Variants in FOCAD observed in about 807,000 individuals in gnomAD.
FOCAD encodes the protein focadhesin.
A neutral mutation model predicts 225.6 loss-of-function variants in FOCAD; 198 were observed. The ratio of observed to expected loss-of-function variants is 0.88; its 90% CI spans 0.78 to 0.99. The LOEUF is 0.99. Among genes scored for constraint, FOCAD ranks in the 50% least tolerant of loss-of-function variants. FOCAD has a pLI of 0.00. For synonymous variants in FOCAD, 897 were observed against 755.0 expected, an observed-to-expected ratio of 1.19 and a Z score of -3.08; for missense variants, 2,713 against 2,123.6, an observed-to-expected ratio of 1.28 and a Z score of -5.46.
At chr9:20,839,966 C>G (rs1030195095) in intron 15 of FOCAD, among the ~76,000 whole-genome samples, 1 of 152,070 alleles carries the variant, frequency 6.6e-6, no homozygotes, top group Non-Finnish European at 1.5e-5. Flanking sequence ...AATTAGTTCA[C>G]TCTAGATGTA....
chr9:20,703,132 G>A lies in FOCAD; in HGVS notation c.-32-12190G>A, dbSNP rs1824100904. On this transcript the variant is annotated intron_variant, in intron 1 of 43. Coordinates refer to ENST00000338382, the MANE Select transcript of FOCAD (RefSeq NM_001375567.1). ...GAGATTGTGATAAAAGCTATGAATGGTACAATAGTGGGTCACTGCAGTGGC... is the reference window on the plus strand; with the variant it reads ...GAGATTGTGATAAAAGCTATGAATGATACAATAGTGGGTCACTGCAGTGGC... Among the ~76,000 whole-genome samples the A allele has an allele frequency of 2.0e-5, 3 of 147,448 alleles. No individual in the cohort carries two copies. In the South Asian group the frequency reaches 6.8e-4, roughly 33 times the overall value.
chr9:20,874,766 A>G lies in FOCAD; in HGVS notation c.2276A>G (p.Tyr759Cys), dbSNP rs200978429. 164 of 1,613,612 alleles carry G rather than the reference A, an allele frequency of 1.0e-4. No individual in the cohort carries two copies. The highest frequency in any genetic ancestry group is 3.1e-4 in the East Asian group (14 of 44,838). ...GATCTTTCAGTTCCTGGCTCTTGCT[A>G]TCTCAAACTGTTGTCACTCACTCCC... ...DVDLSVPGSCYLKLLSLTPPL... is the reference protein window; with the variant it reads ...DVDLSVPGSCCLKLLSLTPPL... Residue 759 changes from tyrosine to cysteine, a missense_variant, in exon 19 of 44, where the codon TAT becomes TGT. Coordinates refer to ENST00000338382, the MANE Select transcript of FOCAD (RefSeq NM_001375567.1).
chr9:20,688,685 G>T (rs907429319), intron 1 of FOCAD, among the ~76,000 whole-genome samples: 7 of 152,172 alleles, frequency 4.6e-5, no homozygotes, highest in Non-Finnish European at 1.0e-4. Flanking sequence ...TAGGAAAGAT[G>T]ACCCAGTGAA....
intron 39 of FOCAD, among the ~76,000 whole-genome samples, chr9:20,983,587 A>AAG (rs56124667): frequency 1.3e-5 from 2 of 151,656 alleles, no homozygotes; most frequent in African/African-American, 4.8e-5. Context: ...AAAAAAAAAA[A>AAG]GAATATATGG....
chr9:20,792,743 T>G (rs543405671), intron 11 of FOCAD, among the ~76,000 whole-genome samples: 196 of 152,348 alleles, frequency 1.3e-3, no homozygotes, highest in Admixed American at 2.5e-3. Flanking sequence ...TTTTTTTCCA[T>G]GTGTAAAAGT....
chr9:20,989,014 G>C (rs1404962083), intron 41 of FOCAD, among the ~76,000 whole-genome samples: 1 of 152,166 alleles, frequency 6.6e-6, no homozygotes, highest in Non-Finnish European at 1.5e-5. Context: ...ATTAGGTTTG[G>C]GTAAGTTTAA....
At chr9:20,745,265 G>A (rs758504282) in intron 5 of FOCAD, among the ~76,000 whole-genome samples, 1 of 151,738 alleles carries the variant, frequency 6.6e-6, no homozygotes, top group East Asian at 1.9e-4. Flanking sequence ...GCGACACTAC[G>A]CCCTGCTAAT....
upstream of FOCAD, among the ~76,000 whole-genome samples, chr9:20,681,593 A>C (rs952055805): frequency 6.6e-6 from 1 of 152,198 alleles, no homozygotes; most frequent in Non-Finnish European, 1.5e-5. Context: ...CTAAAAGCCT[A>C]TCTCTCTAGT....
At chr9:20,819,759 C>A in intron 11 of FOCAD, 37 bp from the exon 12 acceptor site, 2 of 1,142,680 alleles carry the variant, frequency 1.8e-6, no homozygotes, top group Non-Finnish European at 2.5e-6. Context: ...TTTTTTGTAA[C>A]AAGGCATATT....
At chr9:20,710,441 CA>C (rs1460335816) in intron 1 of FOCAD, among the ~76,000 whole-genome samples, 1 of 151,472 alleles carries the variant, frequency 6.6e-6, no homozygotes, top group Non-Finnish European at 1.5e-5. Flanking sequence ...ACTAAAAATA[CA>C]AAAAATTAGC....
At chr9:20,922,453 T>C (rs1290888456) in intron 24 of FOCAD, among the ~76,000 whole-genome samples, 2 of 152,010 alleles carry the variant, frequency 1.3e-5, no homozygotes, top group Non-Finnish European at 2.9e-5. Flanking sequence ...ATAGGAAGGA[T>C]TTGTTAATGG....
chr9:20,844,515 C>T (rs976329984), intron 15 of FOCAD, among the ~76,000 whole-genome samples: 7 of 151,712 alleles, frequency 4.6e-5, no homozygotes, highest in Admixed American at 4.6e-4. Flanking sequence ...CATGTGCCAC[C>T]ACACATGGCT....
intron 28 of FOCAD, among the ~76,000 whole-genome samples, chr9:20,939,150 C>CAAAAAAAAAAAAAAAAAAAAAA (rs565280892): frequency 9.7e-5 from 7 of 72,484 alleles, no homozygotes; most frequent in Admixed American, 1.6e-4. Context: ...ACTCTCTTCT[C>CAAAAAAAAAAAAAAAAAAAAAA]AAAAAAAAAA....
intron 1 of FOCAD, among the ~76,000 whole-genome samples, chr9:20,689,169 C>G (rs1822833326): frequency 1.3e-5 from 2 of 152,234 alleles, no homozygotes; most frequent in African/African-American, 4.8e-5. Context: ...GGATAGAAAT[C>G]CTCTGGTCAG....
intron 28 of FOCAD, 53 bp downstream of exon 28, chr9:20,933,156 C>G (rs1175742168): frequency 1.6e-6 from 2 of 1,231,296 alleles, no homozygotes. Context: ...GCTCCCTACA[C>G]TGCCATAAGT....
At chr9:20,881,794 T>C (rs1830685167) in intron 19 of FOCAD, 77 bp from the exon 20 acceptor site, 1 of 1,423,342 alleles carries the variant, frequency 7.0e-7, no homozygotes, top group South Asian at 1.2e-5. Context: ...GTTGTTTGTA[T>C]ATGAGTTAAG....
At chr9:20,929,126 G>C (rs1835226942) in intron 26 of FOCAD, 1 of 444,548 alleles carries the variant, frequency 2.2e-6, no homozygotes, top group East Asian at 3.8e-5. Context: ...CTTGTAATTT[G>C]GTTTTTCAGA....
chr9:20,838,150 A>T (rs970230914), intron 15 of FOCAD, among the ~76,000 whole-genome samples: 5 of 152,090 alleles, frequency 3.3e-5, no homozygotes, highest in Non-Finnish European at 5.9e-5. Flanking sequence ...TAGTTGAAGG[A>T]ATAGGATTTC....
intron 33 of FOCAD, 62 bp from the exon 34 acceptor site, chr9:20,950,934 C>T: frequency 7.0e-7 from 1 of 1,420,226 alleles, no homozygotes; most frequent in Middle Eastern, 1.8e-4. Context: ...CTGTGAGTGA[C>T]CTTTTATTGA....
Sources: gnomAD v4.1 joint callset for allele counts (sites outside exome capture counted in the v4.1 genomes callset) on GRCh38, gnomAD v4.1.1 for gene constraint, MANE v1.5 for transcripts, NCBI Gene and HGNC (gene_info 2026-07-23, HGNC 2026-07-21) for gene names.